CHST11: variants seen among roughly 807,000 people sequenced by gnomAD.
The protein encoded by CHST11 is C4S-1.
A neutral mutation model predicts 30.4 loss-of-function variants in CHST11; 9 were observed. That is an observed-to-expected ratio of 0.30 (90% CI 0.18 to 0.52). The LOEUF is 0.52. Ranked by LOEUF, CHST11 falls within the 20% of genes least tolerant of loss-of-function variation. CHST11 has a pLI of 0.97. For missense variants in CHST11, 348 were observed against 460.6 expected (o/e 0.76, Z 2.24); for synonymous variants, 152 against 187.8 (o/e 0.81, Z 1.56).
At chr12:104,677,747 T>G (rs1303080006) in intron 2 of CHST11, among the ~76,000 whole-genome samples, 1 of 152,252 alleles carries the variant, frequency 6.6e-6, no homozygotes, top group Non-Finnish European at 1.5e-5. Context: ...GGGTACCATG[T>G]TGCCAAGACG....
At chr12:104,593,559 TCAA>T (rs1461298186) in intron 1 of CHST11, among the ~76,000 whole-genome samples, 3 of 152,188 alleles carry the variant, frequency 2.0e-5, no homozygotes, top group African/African-American at 7.2e-5. Flanking sequence ...GGATATCGGG[TCAA>T]CATTTGGGAC....
At position 104,540,818 on chromosome 12, in the gene CHST11, A is replaced by G. The variant is rs149089645; in HGVS notation, c.119-61088A>G. On this transcript the variant is annotated intron_variant, in intron 1 of 2. Transcript: ENST00000303694. ...GCCAGGGAGCATTTTGATGCCCTAA[A>G]ACAGCTCATGTTTATTTCGTGGTCT... Among the ~76,000 whole-genome samples the G allele has an allele frequency of 1.8e-4, 27 of 152,280 alleles. 1 individual carries two copies. In the East Asian group the frequency reaches 4.6e-3, roughly 26 times the overall value.
chr12:104,654,948 T>C (rs973432922), intron 2 of CHST11, among the ~76,000 whole-genome samples: 1 of 152,214 alleles, frequency 6.6e-6, no homozygotes, highest in African/African-American at 2.4e-5. Context: ...TGAAAGAAAC[T>C]TGAAGCATCT....
chr12:104,640,134 CA>C (rs2039361612), intron 2 of CHST11, among the ~76,000 whole-genome samples: 1 of 152,192 alleles, frequency 6.6e-6, no homozygotes, highest in Admixed American at 6.5e-5. Flanking sequence ...GGTGGAAATG[CA>C]AAATGATACA....
At chr12:104,699,782 A>G (rs1385471668) in intron 2 of CHST11, among the ~76,000 whole-genome samples, 1 of 152,178 alleles carries the variant, frequency 6.6e-6, no homozygotes, top group East Asian at 1.9e-4. Context: ...TTGGGGAAGG[A>G]TCTTGGGCCT....
chr12:104,757,157 T>C lies in CHST11; in HGVS notation c.413T>C (p.Leu138Pro). The change falls in exon 3 of 3, where the codon CTG (leucine) becomes CCG (proline). Residue 138 changes from leucine to proline, a missense_variant. By Grantham distance (98) the Leu-to-Pro change is moderately conservative (BLOSUM62 -3). Coordinates refer to ENST00000303694, the MANE Select transcript of CHST11 (RefSeq NM_018413.6). The surrounding 1 kb of genome is among the most constrained non-coding windows in gnomAD (Gnocchi z 6.5). Reference sequence around the variant, plus strand: ...AACTGGAAGCGGCTCATGATGGTCCTGACCGGGCGGGGGAAGTACAGCGAC... The same window carrying C: ...AACTGGAAGCGGCTCATGATGGTCCCGACCGGGCGGGGGAAGTACAGCGAC... ...CTNWKRLMMV[L>P]TGRGKYSDPM... The C allele has an allele frequency of 6.2e-7, 1 of 1,614,106 alleles. No homozygotes were observed. The highest frequency in any genetic ancestry group is 8.5e-7 in the Non-Finnish European group (1 of 1,180,026).
chr12:104,513,325 C>T (rs759986742), intron 1 of CHST11, among the ~76,000 whole-genome samples: 7 of 152,058 alleles, frequency 4.6e-5, no homozygotes, highest in Admixed American at 2.6e-4. Context: ...TTATTAAATT[C>T]GTTAGCAAGA....
chr12:104,587,025 G>A (rs1341566931), intron 1 of CHST11, among the ~76,000 whole-genome samples: 3 of 152,160 alleles, frequency 2.0e-5, no homozygotes, highest in Non-Finnish European at 4.4e-5. Flanking sequence ...TTTGGGGTAG[G>A]GGCTGGTTCT....
chr12:104,721,166 G>GCCCCAT (rs1464665819), intron 2 of CHST11, among the ~76,000 whole-genome samples: 1 of 152,192 alleles, frequency 6.6e-6, no homozygotes, highest in African/African-American at 2.4e-5. Context: ...TTTGGGCCTG[G>GCCCCAT]CCCCATCCCC....
chr12:104,614,835 G>A (rs1417681432), intron 2 of CHST11, among the ~76,000 whole-genome samples: 1 of 151,890 alleles, frequency 6.6e-6, no homozygotes, highest in Admixed American at 6.5e-5. Context: ...AGATGGGAGA[G>A]GGGAGAGGGG....
intron 2 of CHST11, among the ~76,000 whole-genome samples, chr12:104,619,955 A>T (rs1420806145): frequency 6.6e-6 from 1 of 152,226 alleles, no homozygotes; most frequent in Non-Finnish European, 1.5e-5. Context: ...TCCCTTAGCC[A>T]ATAGGTGAGC....
At chr12:104,509,942 G>A (rs1238350285) in intron 1 of CHST11, among the ~76,000 whole-genome samples, 1 of 152,214 alleles carries the variant, frequency 6.6e-6, no homozygotes, top group Non-Finnish European at 1.5e-5. Flanking sequence ...TCCATTTGGT[G>A]TTTCAGGGAC....
intron 1 of CHST11, among the ~76,000 whole-genome samples, chr12:104,480,747 A>G (rs1396998265): frequency 3.9e-5 from 6 of 152,182 alleles, no homozygotes; most frequent in African/African-American, 1.4e-4. Flanking sequence ...AAGGAATGCC[A>G]GGAGCCACCA....
intron 1 of CHST11, among the ~76,000 whole-genome samples, chr12:104,560,774 T>C (rs1033244642): frequency 7.2e-5 from 11 of 152,198 alleles, no homozygotes; most frequent in African/African-American, 2.7e-4. Flanking sequence ...CATCCTCCAT[T>C]ATAAACCCTT....
In CHST11 at chr12:104,506,738, G is replaced by T. The variant is rs143583646; in HGVS notation, c.118+49209G>T. On this transcript the variant is annotated intron_variant, in intron 1 of 2. Coordinates refer to ENST00000303694, the MANE Select transcript of CHST11 (RefSeq NM_018413.6). ...CAGGCGGGAGGGCTAAGAGGACACA[G>T]TAACTCTTGAGAGTTGCTCCGACAG... 2.4e-4 allele frequency among the ~76,000 whole-genome samples: 36 copies of T among 152,330 alleles called. No individual in the cohort carries two copies. In the East Asian group the frequency reaches 4.6e-3, roughly 20 times the overall value.
chr12:104,646,602 C>T (rs1040560024), intron 2 of CHST11, among the ~76,000 whole-genome samples: 4 of 152,090 alleles, frequency 2.6e-5, no homozygotes, highest in African/African-American at 7.2e-5. Context: ...CATGGTGGCA[C>T]GTGCCTGTAG....
chr12:104,599,859 CAAAAG>C (rs2038942532), intron 1 of CHST11, among the ~76,000 whole-genome samples: 1 of 152,160 alleles, frequency 6.6e-6, no homozygotes, highest in Non-Finnish European at 1.5e-5. Flanking sequence ...GGAAAAAACT[CAAAAG>C]AAGAATAATA....
At chr12:104,687,788 AT>A (rs1566038488) in intron 2 of CHST11, among the ~76,000 whole-genome samples, 3 of 151,286 alleles carry the variant, frequency 2.0e-5, no homozygotes, top group South Asian at 2.1e-4. Context: ...CCCCCCCAAA[AT>A]TTTTTTTTCC....
chr12:104,470,865 C>T (rs1208188158), intron 1 of CHST11, among the ~76,000 whole-genome samples: 2 of 152,184 alleles, frequency 1.3e-5, no homozygotes, highest in South Asian at 2.1e-4. Context: ...TCTCCATGTT[C>T]TTGGTTTCAG....
Sources: allele counts gnomAD v4.1 joint callset (sites outside exome capture counted in the v4.1 genomes callset), GRCh38; gene constraint gnomAD v4.1.1; non-coding constraint Gnocchi (gnomAD v3.1); transcripts MANE v1.5; gene names NCBI Gene and HGNC (gene_info 2026-07-23, HGNC 2026-07-21).